Variants in ATP10A observed in about 807,000 individuals in gnomAD.
The protein encoded by ATP10A is ATPase phospholipid transporting 10A (putative), also known as phospholipid-transporting ATPase VA.
Under a neutral mutation model 147.8 loss-of-function variants are expected in ATP10A, and 111 were observed. The ratio of observed to expected loss-of-function variants is 0.75; its 90% CI spans 0.64 to 0.88. ATP10A has a LOEUF of 0.88. Among genes scored for constraint, ATP10A ranks in the 40% least tolerant of loss-of-function variants. The pLI is 0.00. For missense variants in ATP10A, 1,927 were observed against 1,959.0 expected, an observed-to-expected ratio of 0.98 and a Z score of 0.31; for synonymous variants, 875 against 841.6, an observed-to-expected ratio of 1.04 and a Z score of -0.69.
chr15:25,723,831 T>A lies in ATP10A; in HGVS notation c.1110+60A>T. 2 of 1,417,322 alleles carry A rather than the reference T, an allele frequency of 1.4e-6. 1 individual carries two copies. The highest frequency in any genetic ancestry group is 3.0e-5 in the South Asian group (2 of 65,640). 87.8% of individuals were successfully genotyped at this position (1,417,322 alleles called of 1,614,324 possible). ...ATAGGAAATTCTGAACAGAGTATGATGATTTTAAGTTCTCTTCATAAAAGT... is the reference window on the plus strand; with the variant it reads ...ATAGGAAATTCTGAACAGAGTATGAAGATTTTAAGTTCTCTTCATAAAAGT... On this transcript the variant is annotated intron_variant, in intron 6 of 20. Coordinates refer to ENST00000555815, the MANE Select transcript of ATP10A (RefSeq NM_024490.4).
At chr15:25,857,321 C>T (rs61993781) in intron 1 of ATP10A, among the ~76,000 whole-genome samples, 2,521 of 152,158 alleles carry the variant, frequency 0.017, 34 homozygotes, top group Middle Eastern at 0.048. Context: ...GTGGCGTGCA[C>T]CCGTGGTCCC....
At chr15:25,845,356 C>G (rs1400592706) in intron 1 of ATP10A, among the ~76,000 whole-genome samples, 2 of 138,194 alleles carry the variant, frequency 1.4e-5, no homozygotes, top group East Asian at 4.4e-4. Context: ...GTGTGTGTGT[C>G]AGGCCACCTG....
chr15:25,717,827 C>T (rs1029472705), intron 8 of ATP10A, among the ~76,000 whole-genome samples: 4 of 152,288 alleles, frequency 2.6e-5, no homozygotes, highest in Non-Finnish European at 5.9e-5. Context: ...GATTTGGGCT[C>T]GTCTAATTAA....
At chr15:25,842,774 C>T (rs1892862932) in intron 1 of ATP10A, among the ~76,000 whole-genome samples, 1 of 152,062 alleles carries the variant, frequency 6.6e-6, no homozygotes, top group Non-Finnish European at 1.5e-5. Flanking sequence ...AGTTCAGTGG[C>T]ACAATCATAG....
At chr15:25,842,650 T>C (rs954449350) in intron 1 of ATP10A, among the ~76,000 whole-genome samples, 30 of 152,298 alleles carry the variant, frequency 2.0e-4, no homozygotes, top group African/African-American at 6.0e-4. Flanking sequence ...GTCAACAGTC[T>C]TTTAGGTCTC....
At chr15:25,703,357 G>T (rs1341595471) in intron 12 of ATP10A, among the ~76,000 whole-genome samples, 7 of 152,070 alleles carry the variant, frequency 4.6e-5, no homozygotes, top group Non-Finnish European at 1.0e-4. Flanking sequence ...TCTGTCTCAA[G>T]AAATAAATAA....
In ATP10A at chr15:25,716,907, G is replaced by A. The variant is rs116705123; in HGVS notation, c.1599C>T (p.Pro533=). The A allele has an allele frequency of 1.7e-5, 27 of 1,584,620 alleles. No individual in the cohort carries two copies. Among genetic ancestry groups the A allele is most frequent in the East Asian group, 9.1e-5 (4 of 43,752 alleles). Residue 533 remains proline (P), a synonymous_variant, in exon 9 of 21, where the codon CCC becomes CCT. Transcript: ENST00000555815. ...TCACCTTCTCCAGCAGCTTTGGGTC[G>A]GGCGTGATATCCTTCTCCTGGGAGA... ...FSSPMEKDIT[P]DPKLLEKVSE...
At chr15:25,695,524 G>A (rs1315532922) in intron 13 of ATP10A, among the ~76,000 whole-genome samples, 1 of 152,140 alleles carries the variant, frequency 6.6e-6, no homozygotes, top group Non-Finnish European at 1.5e-5. Context: ...AGCTACTCGG[G>A]AGGCTGAGGC....
At chr15:25,821,956 T>C (rs1377658351) in intron 1 of ATP10A, among the ~76,000 whole-genome samples, 1 of 152,208 alleles carries the variant, frequency 6.6e-6, no homozygotes, top group Non-Finnish European at 1.5e-5. Context: ...TACGGAATCC[T>C]GTGGGAAACT....
intron 1 of ATP10A, among the ~76,000 whole-genome samples, chr15:25,797,512 C>T (rs1890731623): frequency 6.6e-6 from 1 of 152,128 alleles, no homozygotes; most frequent in African/African-American, 2.4e-5. Flanking sequence ...TTCTGCCACA[C>T]TTTTCCATTT....
chr15:25,700,330 C>T (rs1900591218), intron 13 of ATP10A, among the ~76,000 whole-genome samples: 1 of 152,240 alleles, frequency 6.6e-6, no homozygotes, highest in Non-Finnish European at 1.5e-5. Flanking sequence ...ACATTCACAT[C>T]TAACCTAGGT....
At chr15:25,721,286 A>G (rs1417519691) in intron 7 of ATP10A, among the ~76,000 whole-genome samples, 1 of 152,200 alleles carries the variant, frequency 6.6e-6, no homozygotes, top group Non-Finnish European at 1.5e-5. Context: ...TTATGACTAG[A>G]AAATGGATGG....
Position 25,718,247 on chromosome 15 carries a change from C to T in ATP10A, c.1516G>A (p.Gly506Ser), listed in dbSNP as rs1275153214. 1 of 1,612,966 alleles carries T rather than the reference C, an allele frequency of 6.2e-7. No individual in the cohort carries two copies. Among genetic ancestry groups the T allele is most frequent in the South Asian group, 1.1e-5 (1 of 91,048 alleles). The change falls in exon 8 of 21, where the codon GGC (glycine) becomes AGC (serine). Residue 506 changes from glycine to serine, a missense_variant. Physicochemically the swap from Gly to Ser is moderately conservative, Grantham distance 56. Transcript: ENST00000555815. Reference protein sequence around the residue: ...TQSTKSHRRTGSRAEAKRASM... With the variant: ...TQSTKSHRRTSSRAEAKRASM... Reference sequence around the variant, plus strand: ...GCCCTCTTGGCCTCGGCCCGGCTGCCCGTGCGCCGGTGGGACTTGGTGCTC... The same window carrying T: ...GCCCTCTTGGCCTCGGCCCGGCTGCTCGTGCGCCGGTGGGACTTGGTGCTC...
intron 9 of ATP10A, among the ~76,000 whole-genome samples, chr15:25,715,181 G>A (rs865823610): frequency 6.6e-6 from 1 of 152,194 alleles, no homozygotes; most frequent in African/African-American, 2.4e-5. Context: ...GAAAAATCAG[G>A]TGTTTGGTAA....
chr15:25,837,984 T>A (rs1397400129), intron 1 of ATP10A, among the ~76,000 whole-genome samples: 1 of 152,222 alleles, frequency 6.6e-6, no homozygotes, highest in Non-Finnish European at 1.5e-5. Context: ...CTGCCAGGGC[T>A]CCGGGCCATG....
chr15:25,791,041 T>C (rs896582270), intron 1 of ATP10A, among the ~76,000 whole-genome samples: 4 of 151,766 alleles, frequency 2.6e-5, no homozygotes, highest in Non-Finnish European at 5.9e-5. Flanking sequence ...CCCTTTTTTC[T>C]GCAAAACCAG....
chr15:25,778,123 C>A (rs1889711619), intron 2 of ATP10A, among the ~76,000 whole-genome samples: 1 of 152,100 alleles, frequency 6.6e-6, no homozygotes, highest in Admixed American at 6.5e-5. Flanking sequence ...ATTAATGACA[C>A]AGCCCGCTCT....
intron 1 of ATP10A, among the ~76,000 whole-genome samples, chr15:25,826,138 CAG>C (rs1567412707): frequency 6.6e-6 from 1 of 151,488 alleles, no homozygotes; most frequent in Non-Finnish European, 1.5e-5. Flanking sequence ...GATAAACAGA[CAG>C]AAAAAAAATG....
chr15:25,817,975 T>C (rs1891735530), intron 1 of ATP10A, among the ~76,000 whole-genome samples: 1 of 151,480 alleles, frequency 6.6e-6, no homozygotes, highest in Admixed American at 6.6e-5. Context: ...GTATTCTAGT[T>C]AATTTTTGGC....
Sources: allele counts gnomAD v4.1 joint callset (sites outside exome capture counted in the v4.1 genomes callset), GRCh38; gene constraint gnomAD v4.1.1; transcripts MANE v1.5; gene names NCBI Gene and HGNC (gene_info 2026-07-23, HGNC 2026-07-21).